Variants in IGF1R observed in about 807,000 individuals in gnomAD.
IGF1R encodes the protein insulin like growth factor 1 receptor.
A neutral mutation model predicts 144.6 loss-of-function variants in IGF1R; 44 were observed. That is an observed-to-expected ratio of 0.30 (90% confidence interval 0.24 to 0.39). The LOEUF (loss-of-function observed/expected upper bound fraction) is 0.39, where lower values mean the gene tolerates loss of function less well. Ranked by LOEUF, IGF1R falls within the 10% of genes least tolerant of loss-of-function variation. The pLI is 1.00. For synonymous variants in IGF1R, 795 were observed against 722.8 expected, an observed-to-expected ratio of 1.10 and a Z score of -1.60; for missense variants, 1,355 against 1,833.7, an observed-to-expected ratio of 0.74 and a Z score of 4.77.
intron 1 of IGF1R, among the ~76,000 whole-genome samples, chr15:98,659,716 A>G (rs1290293617): frequency 6.6e-6 from 1 of 152,194 alleles, no homozygotes; most frequent in Non-Finnish European, 1.5e-5. Context: ...AGATAATTTT[A>G]CAGGACTTTA....
intron 2 of IGF1R, among the ~76,000 whole-genome samples, chr15:98,800,552 G>T (rs1361401187): frequency 1.3e-5 from 2 of 152,164 alleles, no homozygotes; most frequent in Non-Finnish European, 2.9e-5. Flanking sequence ...TGACTCAGCA[G>T]ATGGGAATTC....
At chr15:98,818,518 G>A (rs1403623217) in intron 2 of IGF1R, among the ~76,000 whole-genome samples, 1 of 151,872 alleles carries the variant, frequency 6.6e-6, no homozygotes, top group Non-Finnish European at 1.5e-5. Context: ...TTGAACCAGT[G>A]CTGGGTTTCT....
At chr15:98,898,872 AT>A (rs1302167802) in intron 4 of IGF1R, among the ~76,000 whole-genome samples, 4 of 151,802 alleles carry the variant, frequency 2.6e-5, no homozygotes, top group African/African-American at 9.7e-5. Context: ...ATTTTCAACT[AT>A]TTTTCCAACT....
At chr15:98,803,978 C>T (rs1298348704) in intron 2 of IGF1R, among the ~76,000 whole-genome samples, 1 of 152,188 alleles carries the variant, frequency 6.6e-6, no homozygotes, top group Non-Finnish European at 1.5e-5. Flanking sequence ...TTTGTTTGCA[C>T]CAGCATCCCC....
chr15:98,734,128 G>A (rs147815268), intron 2 of IGF1R, among the ~76,000 whole-genome samples: 1 of 152,282 alleles, frequency 6.6e-6, no homozygotes, highest in Non-Finnish European at 1.5e-5. Flanking sequence ...ATTTGAAATT[G>A]TTGTTGCACT....
At chr15:98,801,616 C>T (rs1271983121) in intron 2 of IGF1R, among the ~76,000 whole-genome samples, 2 of 152,206 alleles carry the variant, frequency 1.3e-5, no homozygotes, top group African/African-American at 4.8e-5. Context: ...AATGATTTCC[C>T]CAAATTGGAC....
chr15:98,811,096 T>A (rs1596322564), intron 2 of IGF1R, among the ~76,000 whole-genome samples: 1 of 149,006 alleles, frequency 6.7e-6, no homozygotes, highest in Admixed American at 6.7e-5. Context: ...AGGTCAGGAG[T>A]TCGAAACCAG....
chr15:98,838,673 A>T (rs1221153126), intron 2 of IGF1R, among the ~76,000 whole-genome samples: 2 of 152,120 alleles, frequency 1.3e-5, no homozygotes, highest in Admixed American at 1.3e-4. Flanking sequence ...ACTCATCTTG[A>T]TTTATTCCTA....
intron 5 of IGF1R, among the ~76,000 whole-genome samples, chr15:98,900,100 C>T (rs550796032): frequency 1.1e-4 from 16 of 152,280 alleles, no homozygotes; most frequent in African/African-American, 3.6e-4. Flanking sequence ...TAGAAAGAAA[C>T]CCGGATTCAC....
Position 98,652,934 on chromosome 15 carries a change from C to T in IGF1R, c.94+3259C>T, listed in dbSNP as rs201987174. On this transcript the variant is annotated intron_variant, in intron 1 of 20. Transcript: ENST00000650285. ...TATGTGAATTATATCTCAATAAACC[C>T]TTTTTTTTTTTTTTAAAGAAATGTG... is the stretch of plus-strand genomic sequence containing the variant. Among the ~76,000 whole-genome samples, 182 of 143,354 alleles carry T rather than the reference C, an allele frequency of 1.3e-3. 1 individual carries two copies. The highest frequency in any genetic ancestry group is 4.0e-3 in the African/African-American group (158 of 39,220). 94.0% of individuals were successfully genotyped at this position (143,354 alleles called of 152,430 possible). A position where few individuals can be genotyped will look rare whatever the true frequency, so the allele number is the denominator to read the frequency against.
At chr15:98,815,232 G>A (rs1309566126) in intron 2 of IGF1R, among the ~76,000 whole-genome samples, 2 of 152,228 alleles carry the variant, frequency 1.3e-5, no homozygotes, top group African/African-American at 4.8e-5. Context: ...GCTCTCTTCT[G>A]GTGAAAGAAC....
intron 1 of IGF1R, among the ~76,000 whole-genome samples, chr15:98,686,909 G>A (rs907426045): frequency 1.3e-5 from 2 of 152,114 alleles, no homozygotes; most frequent in South Asian, 4.1e-4. Context: ...GCCTCAAGCA[G>A]TTCTTCCACC....
At chr15:98,762,564 C>T (rs1231910693) in intron 2 of IGF1R, among the ~76,000 whole-genome samples, 1 of 152,088 alleles carries the variant, frequency 6.6e-6, no homozygotes, top group Non-Finnish European at 1.5e-5. Flanking sequence ...CCCGTCTCTA[C>T]TGAAAATACA....
rs149961251 is a variant in IGF1R at position 98,677,143 on chromosome 15, C to A, written c.94+27468C>A. On this transcript the variant is annotated intron_variant, in intron 1 of 20. Transcript: ENST00000650285. ...TTAGGGGCAGGATCTTGCTGTGTTG[C>A]CCAGGCTGGTCTCAAACTCATGACC... Among the ~76,000 whole-genome samples, 822 of 152,008 alleles carry A rather than the reference C, an allele frequency of 5.4e-3. 6 individuals are homozygous for A. The highest frequency in any genetic ancestry group is 0.019 in the African/African-American group (790 of 41,474).
chr15:98,661,956 C>CTTTTTTTTTTTTTTTT lies in IGF1R; in HGVS notation c.94+12292_94+12307dup, dbSNP rs869208651. On this transcript the variant is annotated intron_variant, in intron 1 of 20. Coordinates refer to ENST00000650285, the MANE Select transcript of IGF1R (RefSeq NM_000875.5). ...GAATTGCTGCCAGTTGAATAGGGCCCTTTTTTTTTTTTTTTTTTTTTTTTT... is the reference window on the plus strand; with the variant it reads ...GAATTGCTGCCAGTTGAATAGGGCCCTTTTTTTTTTTTTTTTTTTTTTTTTTTTTTTTTTTTTTTTT... Among the ~76,000 whole-genome samples the CTTTTTTTTTTTTTTTT allele has an allele frequency of 1.1e-3, 120 of 105,706 alleles. 3 individuals carry two copies. The highest frequency in any genetic ancestry group is 1.5e-3 in the Non-Finnish European group (82 of 56,012). The allele number at this position is 105,706 out of a possible 152,430, so 69.3% of individuals were successfully genotyped here.
At chr15:98,727,569 G>A (rs1340529605) in intron 2 of IGF1R, among the ~76,000 whole-genome samples, 1 of 150,914 alleles carries the variant, frequency 6.6e-6, no homozygotes, top group Admixed American at 6.6e-5. Context: ...GGGTGTCTCT[G>A]CAAGGCCTTG....
intron 2 of IGF1R, among the ~76,000 whole-genome samples, chr15:98,860,131 G>C (rs966888928): frequency 6.6e-6 from 1 of 152,216 alleles, no homozygotes; most frequent in African/African-American, 2.4e-5. Context: ...GGCCAGGCTG[G>C]AGTTTCTTGA....
At chr15:98,782,285 T>C (rs1282751591) in intron 2 of IGF1R, among the ~76,000 whole-genome samples, 1 of 152,220 alleles carries the variant, frequency 6.6e-6, no homozygotes. Context: ...TTGTTTACCA[T>C]GTTGAATTAA....
intron 2 of IGF1R, among the ~76,000 whole-genome samples, chr15:98,710,498 C>T (rs1479235586): frequency 6.6e-6 from 1 of 151,852 alleles, no homozygotes; most frequent in Non-Finnish European, 1.5e-5. Flanking sequence ...ATTGGGACTG[C>T]TTTAGGTGTA....
Sources: gnomAD v4.1 joint callset for allele counts (sites outside exome capture counted in the v4.1 genomes callset) on GRCh38, gnomAD v4.1.1 for gene constraint, MANE v1.5 for transcripts, NCBI Gene and HGNC (gene_info 2026-07-23, HGNC 2026-07-21) for gene names.